OPCML: variants seen among roughly 807,000 people sequenced by gnomAD.
OPCML encodes opioid binding protein/cell adhesion molecule like, also known as opioid-binding protein/cell adhesion molecule.
In OPCML, 13 loss-of-function variants were observed where a neutral mutation model predicts 37.8. The observed-to-expected ratio is 0.34, with a 90% CI of 0.22 to 0.55. The LOEUF is 0.55. OPCML is among the 20% of genes least tolerant of loss of function. OPCML has a pLI of 0.91. For missense variants in OPCML, 341 were observed against 435.6 expected (o/e 0.78, Z 1.93); for synonymous variants, 176 against 168.8 (o/e 1.04, Z -0.33).
chr11:132,468,185 T>G (rs1161967825), intron 4 of OPCML, among the ~76,000 whole-genome samples: 1 of 152,220 alleles, frequency 6.6e-6, no homozygotes, highest in Non-Finnish European at 1.5e-5. Flanking sequence ...TGGCTCTTTT[T>G]CTTCAACCTA....
intron 1 of OPCML, among the ~76,000 whole-genome samples, chr11:133,526,154 G>A (rs1414873316): frequency 2.0e-5 from 3 of 152,290 alleles, no homozygotes; most frequent in African/African-American, 7.2e-5. Context: ...ACTGGCTCTG[G>A]GGCGCAGAGG....
intron 1 of OPCML, among the ~76,000 whole-genome samples, chr11:133,240,635 A>G (rs558023340): frequency 1.3e-4 from 20 of 152,316 alleles, no homozygotes; most frequent in Admixed American, 9.8e-4. Context: ...GTCTTTGTCT[A>G]AACACTGACC....
At chr11:132,565,145 C>T (rs1227216832) in intron 3 of OPCML, among the ~76,000 whole-genome samples, 1 of 152,160 alleles carries the variant, frequency 6.6e-6, no homozygotes, top group Non-Finnish European at 1.5e-5. Context: ...ATCACATGGG[C>T]ATCTCCCAAA....
rs1362055837 is a variant in OPCML, at chr11:133,528,066, G to T, written c.61+4198C>A. Among the ~76,000 whole-genome samples, 3 of 152,212 alleles carry T rather than the reference G, an allele frequency of 2.0e-5. No individual in the cohort carries two copies. The East Asian group carries it at 5.8e-4, about 29-fold the overall frequency. ...TTCTAGGTTACAGAGATGTGGCCAA[G>T]GGTGCTAAGAATTCGAGAAAGCACA... On this transcript the variant is annotated intron_variant, in intron 1 of 7. Coordinates refer to ENST00000524381, the MANE Select transcript of OPCML (RefSeq NM_001012393.5).
chr11:133,527,787 C>T (rs1286624880), intron 1 of OPCML, among the ~76,000 whole-genome samples: 1 of 152,256 alleles, frequency 6.6e-6, no homozygotes, highest in Non-Finnish European at 1.5e-5. Context: ...TTAGAGAATG[C>T]CTTGAACCAA....
intron 1 of OPCML, among the ~76,000 whole-genome samples, chr11:133,374,898 A>AGTGTC (rs906498315): frequency 1.9e-4 from 29 of 152,264 alleles, no homozygotes; most frequent in African/African-American, 6.7e-4. Context: ...GGCAGCTGAG[A>AGTGTC]GTGTCGCTGA....
chr11:132,947,701 CTT>C (rs1251736311), intron 1 of OPCML, among the ~76,000 whole-genome samples: 1 of 152,176 alleles, frequency 6.6e-6, no homozygotes, highest in African/African-American at 2.4e-5. Flanking sequence ...TATGTCAGAA[CTT>C]TTCTAGGAAA....
At chr11:133,055,338 G>A (rs111333906) in intron 1 of OPCML, among the ~76,000 whole-genome samples, 5 of 144,702 alleles carry the variant, frequency 3.5e-5, no homozygotes, top group African/African-American at 5.1e-5. Context: ...GACTCCATGA[G>A]GGAGCCACCT....
At chr11:132,670,927 C>T (rs1942447028) in intron 2 of OPCML, among the ~76,000 whole-genome samples, 1 of 152,148 alleles carries the variant, frequency 6.6e-6, no homozygotes, top group South Asian at 2.1e-4. Context: ...TTAAGTAGGA[C>T]ATCCATCTCT....
intron 1 of OPCML, among the ~76,000 whole-genome samples, chr11:133,201,469 C>T (rs1938785924): frequency 6.6e-6 from 1 of 152,132 alleles, no homozygotes; most frequent in Admixed American, 6.6e-5. Flanking sequence ...TTTTCTCCCC[C>T]ATTGCTCTAA....
At chr11:132,840,376 A>G (rs967771700) in intron 2 of OPCML, among the ~76,000 whole-genome samples, 1 of 152,226 alleles carries the variant, frequency 6.6e-6, no homozygotes, top group African/African-American at 2.4e-5. Flanking sequence ...ACGGGGCCCC[A>G]AAGCAGCTGC....
intron 1 of OPCML, among the ~76,000 whole-genome samples, chr11:133,378,789 G>T (rs1944869294): frequency 6.6e-6 from 1 of 151,384 alleles, no homozygotes; most frequent in Non-Finnish European, 1.5e-5. Flanking sequence ...CTGGACTGCA[G>T]TGATGCAATC....
chr11:133,055,549 T>C (rs9665994), intron 1 of OPCML, among the ~76,000 whole-genome samples: 93,316 of 122,026 alleles, frequency 0.76, 35,049 homozygotes, highest in Middle Eastern at 0.88. Flanking sequence ...CGTATAATGC[T>C]GCCTCTATGA....
intron 1 of OPCML, among the ~76,000 whole-genome samples, chr11:133,325,484 G>A (rs192590026): frequency 4.6e-5 from 7 of 152,124 alleles, no homozygotes; most frequent in South Asian, 2.1e-4. Flanking sequence ...TAATTTTAAC[G>A]CCTATCAAAA....
At chr11:132,576,279 T>C (rs4130458) in intron 3 of OPCML, among the ~76,000 whole-genome samples, 13,466 of 152,064 alleles carry the variant, frequency 0.089, 1,251 homozygotes, top group African/African-American at 0.23. Context: ...TTAACACCCA[T>C]AATGCATATA....
chr11:132,632,947 G>GAA (rs58661397), intron 3 of OPCML, among the ~76,000 whole-genome samples: 11 of 125,824 alleles, frequency 8.7e-5, no homozygotes, highest in South Asian at 2.5e-4. Flanking sequence ...TCACCATATT[G>GAA]AAAAAAAAAA....
intron 1 of OPCML, among the ~76,000 whole-genome samples, chr11:133,193,364 G>T (rs1279427645): frequency 6.6e-6 from 1 of 152,172 alleles, no homozygotes; most frequent in Non-Finnish European, 1.5e-5. Flanking sequence ...AGTCACTAAT[G>T]AAGAGAAAAT....
rs1042404356 is a variant in OPCML, at chr11:132,446,241, G to C, written c.506-8882C>G. ...TGAGTGAGTGTCACAGAAACAGCCA[G>C]GGTACCTGTGAGGATGTGGCACATT... On this transcript the variant is annotated intron_variant, in intron 4 of 7. Transcript: ENST00000524381. Among the ~76,000 whole-genome samples, 9 of 149,696 alleles carry C rather than the reference G, an allele frequency of 6.0e-5. No homozygotes were observed. In the South Asian group the frequency reaches 8.6e-4, roughly 14 times the overall value.
Position 132,996,149 on chromosome 11 carries a change from C to T in OPCML, c.62-53139G>A, listed in dbSNP as rs373031321. Among the ~76,000 whole-genome samples, 10 of 152,246 alleles carry T rather than the reference C, an allele frequency of 6.6e-5. No homozygotes were observed. The East Asian group carries it at 1.5e-3, about 24-fold the overall frequency. ...ACACAGACTTTAGCATATTTTTCAC[C>T]AATGTCTGTCCTCATTGTAGATGGG... is the stretch of plus-strand genomic sequence containing the variant. On this transcript the variant is annotated intron_variant, in intron 1 of 7. Transcript: ENST00000524381.
Sources: allele counts gnomAD v4.1 joint callset (sites outside exome capture counted in the v4.1 genomes callset), GRCh38; gene constraint gnomAD v4.1.1; transcripts MANE v1.5; gene names NCBI Gene and HGNC (gene_info 2026-07-23, HGNC 2026-07-21).